Variants in SREBF1 observed in about 807,000 individuals in gnomAD.
SREBF1 encodes sterol regulatory element-binding protein 1.
In SREBF1, 45 loss-of-function variants were observed where a neutral mutation model predicts 100.1. The observed-to-expected ratio is 0.45, with a 90% CI of 0.35 to 0.58. SREBF1 has a LOEUF of 0.58. Ranked by LOEUF, SREBF1 falls within the 20% of genes least tolerant of loss-of-function variation. The probability of loss-of-function intolerance (pLI) is 0.00; values close to 1 mark genes in which losing one functional copy is unlikely to be tolerated. For missense variants in SREBF1, 1,324 were observed against 1,539.4 expected, an observed-to-expected ratio of 0.86 and a Z score of 2.34; for synonymous variants, 657 against 681.8, an observed-to-expected ratio of 0.96 and a Z score of 0.57.
intron 16 of SREBF1, among the ~76,000 whole-genome samples, 158 bp downstream of exon 16, chr17:17,814,087 G>C (rs2033271334): frequency 6.6e-6 from 1 of 152,192 alleles, no homozygotes; most frequent in Non-Finnish European, 1.5e-5. Flanking sequence ...CCTCTGGACA[G>C]AAGCCTTAGC....
Position 17,819,804 on chromosome 17 carries a change from G to T in SREBF1, c.524-79C>A, listed in dbSNP as rs902031673. 120 of 1,482,028 alleles carry T rather than the reference G, an allele frequency of 8.1e-5. 2 individuals are homozygous for T. The South Asian group carries it at 1.5e-3, about 19-fold the overall frequency. 91.8% of individuals were successfully genotyped at this position (1,482,028 alleles called of 1,614,324 possible). On this transcript the variant is annotated intron_variant, in intron 2 of 18. Coordinates refer to ENST00000261646, the MANE Select transcript of SREBF1 (RefSeq NM_004176.5). ...ACCTGCTCTTCAGGTCTCTATCACC[G>T]ACTGGCCTTGGATGAGTCATTGCCC...
intron 1 of SREBF1, among the ~76,000 whole-genome samples, chr17:17,829,768 A>T (rs1224882756): frequency 3.3e-5 from 5 of 152,018 alleles, no homozygotes; most frequent in Non-Finnish European, 1.5e-5. Flanking sequence ...CTTTAGCCTC[A>T]GCCTCCTGAG....
intron 12 of SREBF1, 74 bp from the exon 13 acceptor site, chr17:17,815,403 G>T: frequency 7.9e-7 from 1 of 1,267,300 alleles, no homozygotes; most frequent in Non-Finnish European, 1.1e-6. Flanking sequence ...GCTTTTTCCT[G>T]GGTGGGCTGG....
intron 1 of SREBF1, among the ~76,000 whole-genome samples, chr17:17,833,736 C>A (rs553667389): frequency 6.6e-6 from 1 of 152,154 alleles, no homozygotes; most frequent in South Asian, 2.1e-4. Context: ...GTAATCCCAG[C>A]ACTTTTGAGA....
chr17:17,835,697 A>G (rs139788922), intron 1 of SREBF1, among the ~76,000 whole-genome samples: 277 of 152,350 alleles, frequency 1.8e-3, no homozygotes, highest in African/African-American at 6.4e-3. Flanking sequence ...CGTTTGCTCT[A>G]TCTACAAAAT....
intron 16 of SREBF1, 38 bp downstream of exon 16, chr17:17,814,207 T>A (rs969809700): frequency 6.4e-7 from 1 of 1,574,708 alleles, no homozygotes; most frequent in South Asian, 1.2e-5. Context: ...GAAAGCTGAA[T>A]CCCCCAGCCC....
At chr17:17,829,605 G>A (rs527733577) in intron 1 of SREBF1, among the ~76,000 whole-genome samples, 2 of 152,122 alleles carry the variant, frequency 1.3e-5, no homozygotes, top group Admixed American at 1.3e-4. Flanking sequence ...CACTCTGCCC[G>A]TCCTCCCCCA....
Position 17,811,919 on chromosome 17 carries a change from A to G in SREBF1, c.*703T>C. On this transcript the variant is annotated 3_prime_UTR_variant, in exon 19 of 19. Transcript: ENST00000261646. ...GGAGGCCATACAGCCAGCCCTCCCC[A>G]CTCCTCCCACTAACAAACAAACATC... 2.3e-6 allele frequency: 1 copy of G among 443,666 alleles called. No individual in the cohort carries two copies. Among genetic ancestry groups the G allele is most frequent in the South Asian group, 1.6e-5 (1 of 62,664 alleles). 27.5% of individuals were successfully genotyped at this position (443,666 alleles called of 1,614,324 possible). A position where few individuals can be genotyped will look rare whatever the true frequency, so the allele number is the denominator to read the frequency against.
intron 5 of SREBF1, chr17:17,818,654 G>A (rs112151547): frequency 4.6e-5 from 23 of 499,854 alleles, no homozygotes; most frequent in African/African-American, 2.0e-4. Context: ...ACCACCAGGG[G>A]ACCCTCACCA....
At chr17:17,836,424 T>G (rs1331474148) in intron 1 of SREBF1, among the ~76,000 whole-genome samples, 1 of 151,994 alleles carries the variant, frequency 6.6e-6, no homozygotes. Context: ...GGCTGGAGAG[T>G]CACCGGTCGG....
In SREBF1 at chr17:17,827,229, C is replaced by A. The variant is rs147187399; in HGVS notation, c.92-6708G>T. Among the ~76,000 whole-genome samples, 565 of 152,306 alleles carry A rather than the reference C, an allele frequency of 3.7e-3. 3 individuals carry two copies. Among genetic ancestry groups the A allele is most frequent in the African/African-American group, 0.013 (521 of 41,542 alleles). ...GGGATTCCAACTCAGGTTGGTCTGTCATCTGAGCCAAGGACCCCAATTCTC... is the reference window on the plus strand; with the variant it reads ...GGGATTCCAACTCAGGTTGGTCTGTAATCTGAGCCAAGGACCCCAATTCTC... On this transcript the variant is annotated intron_variant, in intron 1 of 18. Transcript: ENST00000261646.
intron 12 of SREBF1, 91 bp from the exon 13 acceptor site, chr17:17,815,420 A>G: frequency 9.7e-7 from 1 of 1,033,164 alleles, no homozygotes; most frequent in Non-Finnish European, 1.5e-6. Context: ...CTGGGGCCAC[A>G]CCTAGGGCCA....
At chr17:17,836,627 G>A in intron 1 of SREBF1, 100 bp downstream of exon 1, 1 of 1,237,834 alleles carries the variant, frequency 8.1e-7, no homozygotes, top group Non-Finnish European at 1.1e-6. Flanking sequence ...GCACAGCACG[G>A]AGCTGGCGCC....
Position 17,811,548 on chromosome 17 carries a change from C to CA in SREBF1, c.*1073dup. The CA allele has an allele frequency of 3.4e-6, 1 of 294,802 alleles. No individual in the cohort carries two copies. Among genetic ancestry groups the CA allele is most frequent in the East Asian group, 1.4e-4 (1 of 6,940 alleles). 18.3% of individuals were successfully genotyped at this position (294,802 alleles called of 1,614,324 possible). On this transcript the variant is annotated 3_prime_UTR_variant, in exon 19 of 19. Transcript: ENST00000261646. ...TGAAGGGAGGGGCTGGGGGGGGGGG[C>CA]ATGAATGGAGTCAGGGAGTCGGCCT...
chr17:17,831,465 G>C lies in SREBF1; in HGVS notation c.91+5262C>G, dbSNP rs182796727. 4.6e-5 allele frequency among the ~76,000 whole-genome samples: 7 copies of C among 152,234 alleles called. No individual in the cohort carries two copies. In the South Asian group the frequency reaches 1.2e-3, roughly 27 times the overall value. On this transcript the variant is annotated intron_variant, in intron 1 of 18. Transcript: ENST00000261646. The stretch of plus-strand genomic sequence containing the variant: ...GGCTTTCTGGGAAGCAGCCTCTGAC[G>C]GGGCTTGGCAGACATCTGGGGTCCG...
At chr17:17,812,955 C>T (rs1598107838) in intron 18 of SREBF1, 104 bp from the exon 19 acceptor site, 2 of 1,100,426 alleles carry the variant, frequency 1.8e-6, no homozygotes, top group East Asian at 5.3e-5. Flanking sequence ...GTACCTGGCA[C>T]ACAGGTACCT....
Position 17,817,306 on chromosome 17 carries a change from G to A in SREBF1, c.1556C>T (p.Thr519Ile). The change falls in exon 8 of 19, where the codon ACC (threonine) becomes ATC (isoleucine). Residue 519 changes from threonine (T) to isoleucine (I), a missense_variant. Thr to Ile is a moderately conservative substitution (Grantham distance 89). Transcript: ENST00000261646. The surrounding 1 kb of genome is among the most constrained non-coding windows in gnomAD (Gnocchi z 6.6). ...GCGCCCAGGGCTATGGTAGACGCTG[G>A]TGGTATCTGAGGGGCTGGGAAGCCC... ...ARGLPSPSDTTSVYHSPGRNV... is the reference protein window; with the variant it reads ...ARGLPSPSDTISVYHSPGRNV... 6.2e-7 allele frequency: 1 copy of A among 1,607,338 alleles called. No homozygotes were observed. Among genetic ancestry groups the A allele is most frequent in the Non-Finnish European group, 8.5e-7 (1 of 1,177,850 alleles).
intron 18 of SREBF1, 129 bp from the exon 19 acceptor site, chr17:17,812,980 G>A (rs1348410717): frequency 1.1e-5 from 9 of 851,758 alleles, no homozygotes; most frequent in Admixed American, 9.2e-5. Flanking sequence ...GGGGCCTGGC[G>A]GGTTCCCCTC....
intron 1 of SREBF1, among the ~76,000 whole-genome samples, chr17:17,825,603 CTTTTTT>C (rs60178339): frequency 3.2e-5 from 3 of 92,554 alleles, no homozygotes; most frequent in African/African-American, 1.2e-4. Context: ...TGGCCAATTT[CTTTTTT>C]TTTTTTTTTT....
Sources: gnomAD v4.1 joint callset for allele counts (sites outside exome capture counted in the v4.1 genomes callset) on GRCh38, gnomAD v4.1.1 for gene constraint, Gnocchi (gnomAD v3.1) non-coding constraint, MANE v1.5 for transcripts, NCBI Gene and HGNC (gene_info 2026-07-23, HGNC 2026-07-21) for gene names.